The following TMPRSS15 variants were observed in gnomAD, a reference collection of about 807,000 sequenced individuals.
The protein encoded by TMPRSS15 is transmembrane serine protease 15.
TMPRSS15 carries 128 observed loss-of-function variants against 125.3 expected under a neutral mutation model. The observed-to-expected ratio is 1.02, with a 90% CI of 0.89 to 1.18. The LOEUF is 1.18. Among genes scored for constraint, TMPRSS15 ranks in the 50% most tolerant of loss-of-function variants. The pLI is 0.00. For synonymous variants in TMPRSS15, 446 were observed against 423.2 expected (o/e 1.05, Z -0.66); for missense variants, 1,283 against 1,212.7 (o/e 1.06, Z -0.86).
intron 15 of TMPRSS15, 142 bp from the exon 16 acceptor site, chr21:18,326,714 C>T: frequency 1.4e-5 from 12 of 847,078 alleles, no homozygotes; most frequent in Non-Finnish European, 2.3e-5. Flanking sequence ...AGTAAATGAA[C>T]ACACACATTC....
At chr21:18,410,749 A>C (rs1197395559) in intron 1 of TMPRSS15, among the ~76,000 whole-genome samples, 2 of 152,088 alleles carry the variant, frequency 1.3e-5, no homozygotes, top group Admixed American at 6.6e-5. Context: ...ATAAAATCGA[A>C]TTATATTCTG....
Position 18,372,344 on chromosome 21 carries a change from T to A in TMPRSS15, c.533-20A>T. ...CATTTCCTTTAAAAAATAACTGAAA[T>A]TAATTTCCAATTGATGAGATATGTA... On this transcript the variant is annotated intron_variant, in intron 5 of 24. Transcript: ENST00000284885. 1.2e-6 allele frequency: 2 copies of A among 1,610,174 alleles called. No individual in the cohort carries two copies. Among genetic ancestry groups the A allele is most frequent in the Non-Finnish European group, 1.7e-6 (2 of 1,177,228 alleles).
At chr21:18,320,582 C>A (rs2075223641) in intron 16 of TMPRSS15, among the ~76,000 whole-genome samples, 2 of 152,090 alleles carry the variant, frequency 1.3e-5, no homozygotes, top group African/African-American at 4.8e-5. Context: ...CATTTTTGTG[C>A]TCTAGCTGAA....
chr21:18,418,578 C>G (rs978113395), intron 1 of TMPRSS15, among the ~76,000 whole-genome samples: 2 of 152,142 alleles, frequency 1.3e-5, no homozygotes, highest in African/African-American at 4.8e-5. Context: ...GTTACCCCCC[C>G]AATCATCTTT....
intron 6 of TMPRSS15, among the ~76,000 whole-genome samples, chr21:18,368,885 C>G (rs2075764455): frequency 6.6e-6 from 1 of 152,166 alleles, no homozygotes; most frequent in African/African-American, 2.4e-5. Context: ...CTTCTCAAGA[C>G]AGAGGCTTGT....
chr21:18,309,756 G>T (rs1427427469), intron 18 of TMPRSS15, among the ~76,000 whole-genome samples: 2 of 152,088 alleles, frequency 1.3e-5, no homozygotes, highest in African/African-American at 4.8e-5. Flanking sequence ...TTAGAACGGT[G>T]ATCATCAAAA....
chr21:18,286,273 A>G (rs1211789638), intron 21 of TMPRSS15, among the ~76,000 whole-genome samples: 2 of 152,114 alleles, frequency 1.3e-5, no homozygotes, highest in Non-Finnish European at 2.9e-5. Flanking sequence ...CTTCTCTTTT[A>G]TATCTACACT....
intron 1 of TMPRSS15, among the ~76,000 whole-genome samples, chr21:18,464,510 T>A (rs556837413): frequency 9.9e-5 from 15 of 151,976 alleles, no homozygotes; most frequent in Admixed American, 2.6e-4. Context: ...ATAGATAGAC[T>A]GCTAGTCAGA....
At chr21:18,378,005 A>T (rs987546451) in intron 5 of TMPRSS15, among the ~76,000 whole-genome samples, 6 of 152,266 alleles carry the variant, frequency 3.9e-5, no homozygotes, top group Non-Finnish European at 1.5e-5. Context: ...AATTCATTGT[A>T]CATATTACTA....
At position 18,343,953 on chromosome 21, in the gene TMPRSS15, A is replaced by G. The variant is rs758264502; in HGVS notation, c.1277+2T>C. On this transcript the variant is annotated splice_donor_variant, in intron 11 of 24. Transcript: ENST00000284885. LOFTEE classifies it high-confidence loss of function. ...GCGTTTAAACAGGTGTCTACAACAT[A>G]CCAGAAACTAAGGCAAGCTGGCTCC... The G allele has an allele frequency of 6.2e-7, 1 of 1,613,552 alleles. No homozygotes were observed. Among genetic ancestry groups the G allele is most frequent in the Non-Finnish European group, 8.5e-7 (1 of 1,179,506 alleles).
Position 18,377,335 on chromosome 21 carries a change from T to C in TMPRSS15, c.532+1948A>G, listed in dbSNP as rs918884220. Reference sequence around the variant, plus strand: ...AATCGTGTTTTAAATTTAGGGTTTTTTATGAATCTTTTAAAGAAAGTATCC... The same window carrying C: ...AATCGTGTTTTAAATTTAGGGTTTTCTATGAATCTTTTAAAGAAAGTATCC... On this transcript the variant is annotated intron_variant, in intron 5 of 24. Transcript: ENST00000284885. Among the ~76,000 whole-genome samples the C allele has an allele frequency of 2.9e-4, 44 of 152,170 alleles. 1 individual carries two copies. Among genetic ancestry groups the C allele is most frequent in the Non-Finnish European group, 4.1e-4 (28 of 68,008 alleles).
At chr21:18,485,602 G>T (rs1011190624) in intron 1 of TMPRSS15, among the ~76,000 whole-genome samples, 12 of 151,764 alleles carry the variant, frequency 7.9e-5, no homozygotes, top group Non-Finnish European at 1.5e-4. Context: ...TAATTACATA[G>T]TTTCTCTTCT....
chr21:18,484,535 TATTC>T (rs756445517), intron 1 of TMPRSS15, among the ~76,000 whole-genome samples: 16 of 151,802 alleles, frequency 1.1e-4, no homozygotes, highest in African/African-American at 3.4e-4. Context: ...AAAAAATTTT[TATTC>T]ATTCATTCAT....
At position 18,310,941 on chromosome 21, in the gene TMPRSS15, T is replaced by C. The variant is rs865971408; in HGVS notation, c.2165+2004A>G. Among the ~76,000 whole-genome samples the C allele has an allele frequency of 8.4e-3, 1,208 of 143,984 alleles. 11 individuals are homozygous for C. The highest frequency in any genetic ancestry group is 0.017 in the Middle Eastern group (5 of 290). 94.5% of individuals were successfully genotyped at this position (143,984 alleles called of 152,430 possible). A position where few individuals can be genotyped will look rare whatever the true frequency, so the allele number is the denominator to read the frequency against. On this transcript the variant is annotated intron_variant, in intron 18 of 24. Transcript: ENST00000284885. ...TTTACAGCCCACTGATTCTTTTTTT[T>C]TTTTTTTTTTTTTAACAAAGGCACC...
chr21:18,296,159 A>C (rs889535400), intron 19 of TMPRSS15, among the ~76,000 whole-genome samples: 1 of 152,218 alleles, frequency 6.6e-6, no homozygotes, highest in Non-Finnish European at 1.5e-5. Context: ...TCTCAAAAAA[A>C]GAAAAAAAAT....
chr21:18,361,146 A>T (rs1341292261), intron 7 of TMPRSS15, among the ~76,000 whole-genome samples: 1 of 152,112 alleles, frequency 6.6e-6, no homozygotes, highest in Non-Finnish European at 1.5e-5. Context: ...CAGAAAATTT[A>T]AATTAGATAT....
chr21:18,348,523 T>C (rs767379653), intron 10 of TMPRSS15, among the ~76,000 whole-genome samples: 1 of 152,190 alleles, frequency 6.6e-6, no homozygotes, highest in Non-Finnish European at 1.5e-5. Flanking sequence ...AGTAGATAAA[T>C]ATTATTAAAA....
At position 18,372,192 on chromosome 21, in the gene TMPRSS15, C is replaced by A. The variant is rs1430116098; in HGVS notation, c.664+1G>T. 2 of 1,570,776 alleles carry A rather than the reference C, an allele frequency of 1.3e-6. No homozygotes were observed. The highest frequency in any genetic ancestry group is 8.7e-7 in the Non-Finnish European group (1 of 1,153,184). ...GGGAGAGAGTAGGGGGGAGAACTTA[C>A]CACACATTTTATTGTCTTCGTCAGA... On this transcript the variant is annotated splice_donor_variant, in intron 6 of 24. Coordinates refer to ENST00000284885, the MANE Select transcript of TMPRSS15 (RefSeq NM_002772.3). LOFTEE classifies it high-confidence loss of function.
At chr21:18,326,409 A>G (rs2075291175) in intron 16 of TMPRSS15, 23 bp downstream of exon 16, 1 of 1,614,078 alleles carries the variant, frequency 6.2e-7, no homozygotes, top group Non-Finnish European at 8.5e-7. Flanking sequence ...TTATGATGCA[A>G]TGTGTGATTT....
Sources: gnomAD v4.1 joint callset for allele counts (sites outside exome capture counted in the v4.1 genomes callset) on GRCh38, gnomAD v4.1.1 for gene constraint, MANE v1.5 for transcripts, NCBI Gene and HGNC (gene_info 2026-07-23, HGNC 2026-07-21) for gene names.